The following OR7D4 variants were observed in gnomAD, a reference collection of about 807,000 sequenced individuals.
OR7D4 encodes the protein olfactory receptor family 7 subfamily D member 4.
For synonymous variants in OR7D4, 154 were observed against 158.4 expected, an observed-to-expected ratio of 0.97 and a Z score of 0.21; for missense variants, 319 against 377.1, an observed-to-expected ratio of 0.85 and a Z score of 1.27.
chr19:9,213,726 A>G lies in OR7D4; in HGVS notation c.*173T>C. The G allele has an allele frequency of 3.3e-6, 2 of 603,844 alleles. No homozygotes were observed. Among genetic ancestry groups the G allele is most frequent in the South Asian group, 4.0e-5 (2 of 49,440 alleles). 37.4% of individuals were successfully genotyped at this position (603,844 alleles called of 1,614,324 possible). The stretch of plus-strand genomic sequence containing the variant: ...GCACTCTAGCCTGGGCGACAGAGCC[A>G]GACTCTGTCTCAAAAACAATAACAA... On this transcript the variant is annotated 3_prime_UTR_variant, in exon 2 of 2. Transcript: ENST00000641669.
At chr19:9,217,844 A>G (rs2051226462) in intron 1 of OR7D4, among the ~76,000 whole-genome samples, 1 of 152,090 alleles carries the variant, frequency 6.6e-6, no homozygotes. Flanking sequence ...TGGCCGGATC[A>G]TTGTTAATTA....
At position 9,210,477 on chromosome 19, in the gene OR7D4, G is replaced by A. The variant is rs1217581172; in HGVS notation, c.*3422C>T. 1.3e-5 allele frequency: 2 copies of A among 152,388 alleles called. No individual in the cohort carries two copies. The highest frequency in any genetic ancestry group is 4.8e-5 in the African/African-American group (2 of 41,436). 9.4% of individuals were successfully genotyped at this position (152,388 alleles called of 1,614,324 possible). A position where few individuals can be genotyped will look rare whatever the true frequency, so the allele number is the denominator to read the frequency against. ...AAAATAAAATAAATTACCTGGACAT[G>A]GTGGCGCAGGAGGATTACTTGAGGC... On this transcript the variant is annotated 3_prime_UTR_variant, in exon 2 of 2. Coordinates refer to ENST00000641669, the MANE Select transcript of OR7D4 (RefSeq NM_001005191.3).
At position 9,214,601 on chromosome 19, in the gene OR7D4, G is replaced by A. The variant is rs1182086921; in HGVS notation, c.237C>T (p.Pro79=). 3.7e-6 allele frequency: 6 copies of A among 1,613,998 alleles called. No individual in the cohort carries two copies. In the African/African-American group the frequency reaches 8.0e-5, roughly 22 times the overall value. Residue 79 remains proline, a synonymous_variant, in exon 2 of 2, where the codon CCC becomes CCT. Coordinates refer to ENST00000641669, the MANE Select transcript of OR7D4 (RefSeq NM_001005191.3). ...VDICFISTTV[P]KMLVSIQARS... Reference sequence around the variant, plus strand: ...GTGCCTGGATGCTCACTAGCATCTTGGGGACTGTGGTGGAGATGAAACAGA... The same window carrying A: ...GTGCCTGGATGCTCACTAGCATCTTAGGGACTGTGGTGGAGATGAAACAGA...
rs753413396 is a variant in OR7D4, at chr19:9,214,184, G to A, written c.654C>T (p.Tyr218=). ...VFPVAGILFS[Y]SQIVSSLMGM... is the part of the protein sequence containing the mutation. ...CCATTAAGGAGGAGACAATCTGAGA[G>A]TAGGAGAAGAGGATCCCAGCTACAG... Residue 218 remains tyrosine, a synonymous_variant, in exon 2 of 2, where the codon TAC becomes TAT. Transcript: ENST00000641669. The A allele has an allele frequency of 6.2e-7, 1 of 1,614,022 alleles. No individual in the cohort carries two copies.
chr19:9,217,705 AT>A (rs2051225203), intron 1 of OR7D4, among the ~76,000 whole-genome samples: 2 of 151,980 alleles, frequency 1.3e-5, no homozygotes, highest in African/African-American at 4.8e-5. Flanking sequence ...CGCTCAGCTA[AT>A]TTTTTTATTT....
rs1246421941 is a variant in OR7D4 at position 9,219,051 on chromosome 19, G to T, written c.-14+149C>A. ...TGAAATAGCAAAAACATAACAGCTA[G>T]TAAGTGCTGTAAATAAGTCACCATC... On this transcript the variant is annotated intron_variant, in intron 1 of 1. Coordinates refer to ENST00000641669, the MANE Select transcript of OR7D4 (RefSeq NM_001005191.3). The T allele has an allele frequency of 2.0e-5, 3 of 152,126 alleles. No homozygotes were observed. In the East Asian group the frequency reaches 5.8e-4, roughly 29 times the overall value. The allele number at this position is 152,126 out of a possible 1,614,324, so 9.4% of individuals were successfully genotyped here.
chr19:9,218,283 C>T (rs994664140), intron 1 of OR7D4, among the ~76,000 whole-genome samples: 34 of 150,848 alleles, frequency 2.3e-4, no homozygotes, highest in Non-Finnish European at 3.0e-5. Context: ...ATATTCATAT[C>T]TCTTTTAAAA....
intron 1 of OR7D4, among the ~76,000 whole-genome samples, chr19:9,215,774 A>G (rs571428636): frequency 6.6e-6 from 1 of 152,248 alleles, no homozygotes; most frequent in South Asian, 2.1e-4. Context: ...ACTTAGATAT[A>G]TAACTCTTCC....
intron 1 of OR7D4, among the ~76,000 whole-genome samples, chr19:9,217,358 A>C (rs1038394738): frequency 6.6e-6 from 1 of 152,238 alleles, no homozygotes. Flanking sequence ...GAGGTTTGAA[A>C]AAAAATTTGC....
At position 9,214,196 on chromosome 19, in the gene OR7D4, G is replaced by T; in HGVS notation, c.642C>A (p.Ile214=). Residue 214 remains isoleucine, a synonymous_variant, in exon 2 of 2, where the codon ATC becomes ATA. Coordinates refer to ENST00000641669, the MANE Select transcript of OR7D4 (RefSeq NM_001005191.3). The stretch of plus-strand genomic sequence containing the variant: ...AGACAATCTGAGAGTAGGAGAAGAG[G>T]ATCCCAGCTACAGGAAACACACCCA... The part of the protein sequence containing the change: ...ALLGVFPVAG[I]LFSYSQIVSS... 6.2e-7 allele frequency: 1 copy of T among 1,614,132 alleles called. No homozygotes were observed.
At chr19:9,216,591 T>C (rs1332360122) in intron 1 of OR7D4, among the ~76,000 whole-genome samples, 2 of 152,166 alleles carry the variant, frequency 1.3e-5, no homozygotes, top group Admixed American at 1.3e-4. Flanking sequence ...TGAACTTTTG[T>C]TCTTTTGCTT....
chr19:9,216,017 G>A (rs1199471209), intron 1 of OR7D4, among the ~76,000 whole-genome samples: 3 of 152,064 alleles, frequency 2.0e-5, no homozygotes, highest in Non-Finnish European at 4.4e-5. Flanking sequence ...CATGGATGGT[G>A]GCAGGCAAAG....
In OR7D4 at chr19:9,213,935, C is replaced by G. The variant is rs1222496892; in HGVS notation, c.903G>C (p.Leu301=). The change falls in exon 2 of 2, where the codon CTG becomes CTC. Residue 301 remains leucine (L), a synonymous_variant. Coordinates refer to ENST00000641669, the MANE Select transcript of OR7D4 (RefSeq NM_001005191.3). ...SLRNKDVKGA[L]ERLLSRADSC... ...AGTCGGCCCTGCTGAGGAGTCTTTC[C>G]AGGGCCCCCTTCACATCCTTGTTCC... The G allele has an allele frequency of 6.2e-7, 1 of 1,613,986 alleles. No individual in the cohort carries two copies. Among genetic ancestry groups the G allele is most frequent in the African/African-American group, 1.3e-5 (1 of 74,886 alleles).
rs139214926 is a variant in OR7D4 at position 9,213,602 on chromosome 19, G to A, written c.*297C>T. The A allele has an allele frequency of 3.4e-5, 11 of 320,404 alleles. No individual in the cohort carries two copies. The East Asian group carries it at 7.3e-4, about 21-fold the overall frequency. The allele number at this position is 320,404 out of a possible 1,614,324, so 19.8% of individuals were successfully genotyped here. Reference sequence around the variant, plus strand: ...AAAATACAAAAATTAGCTGGCTGTGGTGGCACACACCTGTAATCTCAGCTA... The same window carrying A: ...AAAATACAAAAATTAGCTGGCTGTGATGGCACACACCTGTAATCTCAGCTA... On this transcript the variant is annotated 3_prime_UTR_variant, in exon 2 of 2. Coordinates refer to ENST00000641669, the MANE Select transcript of OR7D4 (RefSeq NM_001005191.3).
At position 9,215,406 on chromosome 19, in the gene OR7D4, T is replaced by G. The variant is rs900821135; in HGVS notation, c.-13-556A>C. 2.7e-4 allele frequency among the ~76,000 whole-genome samples: 41 copies of G among 152,200 alleles called. 2 individuals are homozygous for G. Among genetic ancestry groups the G allele is most frequent in the African/African-American group, 9.4e-4 (39 of 41,544 alleles). On this transcript the variant is annotated intron_variant, in intron 1 of 1. Transcript: ENST00000641669. ...TACTCACCAGTTTTAATTCCCCCAT[T>G]TGTATCTATGAACTTAAATCAATTT...
In OR7D4 at chr19:9,214,721, C is replaced by T; in HGVS notation, c.117G>A (p.Val39=). The T allele has an allele frequency of 1.9e-6, 3 of 1,614,074 alleles. No homozygotes were observed. The highest frequency in any genetic ancestry group is 2.5e-6 in the Non-Finnish European group (3 of 1,179,984). ...GLFLSMYLVT[V]LGNLLIILAV... is the part of the protein sequence containing the mutation. ...CCAGAATGATGAGCAGGTTCCCCAG[C>T]ACCGTGACCAGGTACATGGACAGGA... Residue 39 remains valine (V), a synonymous_variant, in exon 2 of 2, where the codon GTG becomes GTA. Coordinates refer to ENST00000641669, the MANE Select transcript of OR7D4 (RefSeq NM_001005191.3).
rs1341963877 is a variant in OR7D4 at position 9,210,958 on chromosome 19, G to A, written c.*2941C>T. On this transcript the variant is annotated 3_prime_UTR_variant, in exon 2 of 2. Coordinates refer to ENST00000641669, the MANE Select transcript of OR7D4 (RefSeq NM_001005191.3). ...TCCAGTGCAGAGGAAAGGGCGACAT[G>A]TCCATGTGCCAGTTCTACAGCATGG... 1 of 152,264 alleles carries A rather than the reference G, an allele frequency of 6.6e-6. No individual in the cohort carries two copies. The highest frequency in any genetic ancestry group is 1.5e-5 in the Non-Finnish European group (1 of 68,056). 9.4% of individuals were successfully genotyped at this position (152,264 alleles called of 1,614,324 possible).
Position 9,214,163 on chromosome 19 carries a change from TAAG to T in OR7D4, c.672_674del (p.Leu225del). ...TGCCCTTGGTGGAGGACATTCCCAT[TAAG>T]GAGGAGACAATCTGAGAGTAGGAGA... On this transcript the variant is annotated inframe_deletion, in exon 2 of 2. Transcript: ENST00000641669. 1 of 1,614,038 alleles carries T rather than the reference TAAG, an allele frequency of 6.2e-7. No individual in the cohort carries two copies. Among genetic ancestry groups the T allele is most frequent in the Non-Finnish European group, 8.5e-7 (1 of 1,179,970 alleles).
In OR7D4 at chr19:9,219,576, T is replaced by G. The variant is rs2051240787; in HGVS notation, c.-390A>C. 1 of 152,212 alleles carries G rather than the reference T, an allele frequency of 6.6e-6. No individual in the cohort carries two copies. The highest frequency in any genetic ancestry group is 1.5e-5 in the Non-Finnish European group (1 of 68,032). 9.4% of individuals were successfully genotyped at this position (152,212 alleles called of 1,614,324 possible). A position where few individuals can be genotyped will look rare whatever the true frequency, so the allele number is the denominator to read the frequency against. On this transcript the variant is annotated 5_prime_UTR_variant, in exon 1 of 2. Transcript: ENST00000641669. ...CTGAAGTTTTCTCTTCTACACGATC[T>G]GTTCCTAGGAAGCCGTACTGGGTTT...
Sources: allele counts gnomAD v4.1 joint callset (sites outside exome capture counted in the v4.1 genomes callset), GRCh38; gene constraint gnomAD v4.1.1; transcripts MANE v1.5; gene names NCBI Gene and HGNC (gene_info 2026-07-23, HGNC 2026-07-21).